KCNJ16: variants seen among roughly 807,000 people sequenced by gnomAD.
KCNJ16 encodes the protein potassium inwardly rectifying channel subfamily J member 16.
Under a neutral mutation model 18.5 loss-of-function variants are expected in KCNJ16, and 15 were observed. That is an observed-to-expected ratio of 0.81 (90% CI 0.54 to 1.25). KCNJ16 has a LOEUF of 1.25. Ranked by LOEUF, KCNJ16 falls within the 50% of genes most tolerant of loss-of-function variation. KCNJ16 has a pLI of 0.00. For synonymous variants in KCNJ16, 174 were observed against 186.5 expected, an observed-to-expected ratio of 0.93 and a Z score of 0.55; for missense variants, 523 against 525.7, an observed-to-expected ratio of 0.99 and a Z score of 0.05.
chr17:70,088,801 T>C (rs181164704), intron 1 of KCNJ16, among the ~76,000 whole-genome samples: 1 of 152,274 alleles, frequency 6.6e-6, no homozygotes, highest in Non-Finnish European at 1.5e-5. Context: ...TGTTTATTTA[T>C]GTGATTCTGA....
chr17:70,100,445 T>C (rs754275590), intron 1 of KCNJ16, among the ~76,000 whole-genome samples: 42 of 152,174 alleles, frequency 2.8e-4, no homozygotes, highest in Admixed American at 3.9e-4. Flanking sequence ...TTTACTCCAG[T>C]ACTTCTTATT....
intron 2 of KCNJ16, among the ~76,000 whole-genome samples, chr17:70,123,303 A>G (rs1387919779): frequency 6.6e-6 from 1 of 152,254 alleles, no homozygotes. Context: ...CATCAAATAT[A>G]AGAAGATAGA....
Position 70,134,218 on chromosome 17 carries a change from C to G in KCNJ16, c.*874C>G, listed in dbSNP as rs9916760. Reference sequence around the variant, plus strand: ...GATGGTTAGCAGCGATAAACATTCTCAGACCCTTGGAGAGAAACCGTTGCT... The same window carrying G: ...GATGGTTAGCAGCGATAAACATTCTGAGACCCTTGGAGAGAAACCGTTGCT... On this transcript the variant is annotated 3_prime_UTR_variant, in exon 4 of 4. Transcript: ENST00000392671. 0.063 allele frequency: 10,461 copies of G among 165,042 alleles called. 1,255 individuals carry two copies. The highest frequency in any genetic ancestry group is 0.24 in the African/African-American group (9,867 of 40,878). 10.2% of individuals were successfully genotyped at this position (165,042 alleles called of 1,614,324 possible).
chr17:70,098,871 A>AT (rs1377244914), intron 1 of KCNJ16, among the ~76,000 whole-genome samples: 3 of 152,180 alleles, frequency 2.0e-5, no homozygotes, highest in African/African-American at 7.2e-5. Context: ...AATATATAAC[A>AT]TTTTTTAAAG....
chr17:70,096,286 G>C (rs1485708318), intron 1 of KCNJ16, among the ~76,000 whole-genome samples: 1 of 152,030 alleles, frequency 6.6e-6, no homozygotes, highest in African/African-American at 2.4e-5. Context: ...GAACTACTTA[G>C]AGGTCATATG....
chr17:70,110,976 A>G (rs772262269), intron 2 of KCNJ16, among the ~76,000 whole-genome samples: 4 of 152,158 alleles, frequency 2.6e-5, no homozygotes, highest in African/African-American at 4.8e-5. Context: ...AAGGGCTGAT[A>G]TTATAAGGAG....
At chr17:70,110,310 A>G (rs2143990632) in intron 2 of KCNJ16, among the ~76,000 whole-genome samples, 1 of 152,232 alleles carries the variant, frequency 6.6e-6, no homozygotes, top group East Asian at 1.9e-4. Flanking sequence ...TGTTCTGATC[A>G]CAGCTTGATA....
At chr17:70,095,278 T>TGTTTC (rs765061264) in intron 1 of KCNJ16, among the ~76,000 whole-genome samples, 1 of 151,910 alleles carries the variant, frequency 6.6e-6, no homozygotes, top group Non-Finnish European at 1.5e-5. Flanking sequence ...CAAAACAACT[T>TGTTTC]TGACCATAAT....
Position 70,133,379 on chromosome 17 carries a change from C to A in KCNJ16, c.*35C>A. On this transcript the variant is annotated 3_prime_UTR_variant, in exon 4 of 4. Coordinates refer to ENST00000392671, the MANE Select transcript of KCNJ16 (RefSeq NM_170741.4). ...GCAATTATGAGGGCTACCACTGAATCATTTTATCTTTCAGCCAATCAAGTC... is the reference window on the plus strand; with the variant it reads ...GCAATTATGAGGGCTACCACTGAATAATTTTATCTTTCAGCCAATCAAGTC... 1 of 1,552,460 alleles carries A rather than the reference C, an allele frequency of 6.4e-7. No individual in the cohort carries two copies.
chr17:70,100,561 A>G (rs1477564425), intron 1 of KCNJ16, 97 bp from the exon 2 acceptor site: 1 of 152,176 alleles, frequency 6.6e-6, no homozygotes, highest in African/African-American at 2.4e-5. Context: ...CTTAGATGAC[A>G]TTTATTTTTG....
intron 2 of KCNJ16, chr17:70,102,059 C>T (rs1249304281): frequency 6.6e-6 from 1 of 151,932 alleles, no homozygotes; most frequent in African/African-American, 2.4e-5. Context: ...TATTCATTTT[C>T]ACCTGATTAG....
rs1555589099 is a variant in KCNJ16, at chr17:70,103,286, A to ATGTGTGTGTG, written c.-191+2522_-191+2531dup. Among the ~76,000 whole-genome samples, 106 of 103,804 alleles carry ATGTGTGTGTG rather than the reference A, an allele frequency of 1.0e-3. 2 individuals carry two copies. The highest frequency in any genetic ancestry group is 6.2e-3 in the Middle Eastern group (1 of 162). The allele number at this position is 103,804 out of a possible 152,430, so 68.1% of individuals were successfully genotyped here. A position where few individuals can be genotyped will look rare whatever the true frequency, so the allele number is the denominator to read the frequency against. ...GTATATGTGTATATAATATGCATAT[A>ATGTGTGTGTG]TGTGTGTGTGTATATATATATATAT... On this transcript the variant is annotated intron_variant, in intron 2 of 3. Coordinates refer to ENST00000392671, the MANE Select transcript of KCNJ16 (RefSeq NM_170741.4).
At chr17:70,114,900 T>C (rs73998765) in intron 2 of KCNJ16, among the ~76,000 whole-genome samples, 7,078 of 152,252 alleles carry the variant, frequency 0.046, 516 homozygotes, top group African/African-American at 0.16. Context: ...CATAGCTACA[T>C]GCACTGTGAT....
Position 70,134,758 on chromosome 17 carries a change from C to T in KCNJ16, c.*1414C>T, listed in dbSNP as rs1036224137. On this transcript the variant is annotated 3_prime_UTR_variant, in exon 4 of 4. Coordinates refer to ENST00000392671, the MANE Select transcript of KCNJ16 (RefSeq NM_170741.4). ...TATTTGTTTATGTTATTTAAATACA[C>T]ACCCAGACACACACACACACAGTTT... 9.6e-5 allele frequency: 16 copies of T among 166,950 alleles called. No individual in the cohort carries two copies. Among genetic ancestry groups the T allele is most frequent in the African/African-American group, 3.9e-4 (16 of 41,462 alleles). The allele number at this position is 166,950 out of a possible 1,614,324, so 10.3% of individuals were successfully genotyped here.
intron 2 of KCNJ16, chr17:70,101,091 T>C (rs1286549765): frequency 6.6e-6 from 1 of 152,224 alleles, no homozygotes. Context: ...TACTTGGTTA[T>C]TTGAGTCTAG....
At chr17:70,078,471 T>A (rs1001998924) in intron 1 of KCNJ16, among the ~76,000 whole-genome samples, 19 of 152,238 alleles carry the variant, frequency 1.2e-4, no homozygotes, top group African/African-American at 4.6e-4. Flanking sequence ...GGCTTCAGAT[T>A]GTATTTTGTA....
intron 2 of KCNJ16, among the ~76,000 whole-genome samples, chr17:70,103,812 A>G (rs2143884646): frequency 6.6e-6 from 1 of 152,244 alleles, no homozygotes; most frequent in South Asian, 2.1e-4. Context: ...ATTTTGCACA[A>G]TAAAACACCA....
intron 2 of KCNJ16, among the ~76,000 whole-genome samples, chr17:70,129,901 CATTT>C (rs36175135): frequency 0.45 from 64,983 of 144,038 alleles, 14,945 homozygotes; most frequent in Non-Finnish European, 0.51. Context: ...TAAAACCTTT[CATTT>C]ATTTATTTAT....
rs1567809112 is a variant in KCNJ16, at chr17:70,132,159, C to T, written c.72C>T (p.His24=). 5 of 1,614,052 alleles carry T rather than the reference C, an allele frequency of 3.1e-6. No homozygotes were observed. Among genetic ancestry groups the T allele is most frequent in the Non-Finnish European group, 3.4e-6 (4 of 1,180,038 alleles). ...DAKYPGYPPE[H]IIAEKRRARR... ...AATACCCAGGCTACCCGCCAGAGCA[C>T]ATTATAGCTGAGAAGAGAAGAGCAA... Residue 24 remains histidine, a synonymous_variant, in exon 4 of 4, where the codon CAC becomes CAT. Transcript: ENST00000392671.
Sources: gnomAD v4.1 joint callset for allele counts (sites outside exome capture counted in the v4.1 genomes callset) on GRCh38, gnomAD v4.1.1 for gene constraint, MANE v1.5 for transcripts, NCBI Gene and HGNC (gene_info 2026-07-23, HGNC 2026-07-21) for gene names.